Variants in SGCD observed in about 807,000 individuals in gnomAD.
SGCD encodes the protein sarcoglycan delta.
Under a neutral mutation model 36.6 loss-of-function variants are expected in SGCD, and 18 were observed. The observed-to-expected ratio is 0.49, with a 90% CI of 0.34 to 0.73. SGCD has a LOEUF of 0.73. Ranked by LOEUF, SGCD falls within the 30% of genes least tolerant of loss-of-function variation. SGCD has a pLI of 0.01. For synonymous variants in SGCD, 133 were observed against 130.6 expected, an observed-to-expected ratio of 1.02 and a Z score of -0.12; for missense variants, 387 against 346.7, an observed-to-expected ratio of 1.12 and a Z score of -0.92.
intron 3 of SGCD, among the ~76,000 whole-genome samples, chr5:156,429,669 C>G (rs1773845110): frequency 6.6e-6 from 1 of 150,792 alleles, no homozygotes; most frequent in Non-Finnish European, 1.5e-5. Flanking sequence ...GGTTTTGATT[C>G]AAGATTTAGA....
At chr5:156,524,947 A>AT (rs1446036589) in intron 4 of SGCD, among the ~76,000 whole-genome samples, 1 of 152,140 alleles carries the variant, frequency 6.6e-6, no homozygotes, top group Non-Finnish European at 1.5e-5. Flanking sequence ...CATTGTGTAT[A>AT]TATACCATAT....
At chr5:156,533,765 G>A (rs377077108) in intron 4 of SGCD, among the ~76,000 whole-genome samples, 3 of 152,098 alleles carry the variant, frequency 2.0e-5, no homozygotes, top group African/African-American at 7.2e-5. Flanking sequence ...GACCTCCATC[G>A]GAGAAAGGAT....
the SGCD span, among the ~76,000 whole-genome samples, chr5:155,823,687 A>G: frequency 2.6e-5 from 4 of 152,238 alleles, no homozygotes; most frequent in Non-Finnish European, 4.4e-5. Context: ...GAGGCAGAAC[A>G]GCTTCTGGTG....
At chr5:156,620,417 G>A (rs781651355) in intron 6 of SGCD, among the ~76,000 whole-genome samples, 3 of 152,180 alleles carry the variant, frequency 2.0e-5, no homozygotes, top group Non-Finnish European at 2.9e-5. Context: ...GGGTATCAAA[G>A]CACATACCCA....
intron 3 of SGCD, among the ~76,000 whole-genome samples, chr5:156,363,645 T>C (rs1247063054): frequency 1.3e-5 from 2 of 152,222 alleles, no homozygotes; most frequent in Non-Finnish European, 2.9e-5. Flanking sequence ...TCTCTTGCTG[T>C]ATAAGCTGTT....
chr5:156,600,784 C>A (rs1009451442), intron 6 of SGCD, among the ~76,000 whole-genome samples: 2 of 152,082 alleles, frequency 1.3e-5, no homozygotes, highest in African/African-American at 4.8e-5. Context: ...TATTTATATT[C>A]CCACTAACCA....
At chr5:156,158,663 C>A (rs1009915385) in intron 3 of SGCD, among the ~76,000 whole-genome samples, 1 of 151,550 alleles carries the variant, frequency 6.6e-6, no homozygotes, top group African/African-American at 2.4e-5. Context: ...GGGTACTCAG[C>A]ATGATAGAGA....
the SGCD span, among the ~76,000 whole-genome samples, chr5:155,850,428 G>A: frequency 6.6e-6 from 1 of 152,144 alleles, no homozygotes; most frequent in Admixed American, 6.6e-5. Flanking sequence ...CAGAGAGAGA[G>A]AGAGAGAGGA....
chr5:156,183,453 G>A (rs1763656750), intron 3 of SGCD, among the ~76,000 whole-genome samples: 1 of 152,078 alleles, frequency 6.6e-6, no homozygotes, highest in Non-Finnish European at 1.5e-5. Flanking sequence ...TGTCACCCAG[G>A]CTGGATTGCA....
At chr5:156,501,386 C>G (rs759701156) in intron 3 of SGCD, among the ~76,000 whole-genome samples, 1 of 152,118 alleles carries the variant, frequency 6.6e-6, no homozygotes, top group Non-Finnish European at 1.5e-5. Flanking sequence ...CAAAGGGAGT[C>G]AGGGGAAGGA....
intron 1 of SGCD, among the ~76,000 whole-genome samples, chr5:155,961,268 G>A (rs1581013493): frequency 6.6e-6 from 1 of 152,118 alleles, no homozygotes; most frequent in Non-Finnish European, 1.5e-5. Context: ...ACTTATGTTA[G>A]TTTTAGATTG....
chr5:156,497,055 G>A (rs1305876656), intron 3 of SGCD, among the ~76,000 whole-genome samples: 1 of 152,086 alleles, frequency 6.6e-6, no homozygotes, highest in Middle Eastern at 3.2e-3. Context: ...GCCTTAGAAA[G>A]CGTACCAGGA....
the SGCD span, among the ~76,000 whole-genome samples, chr5:155,807,229 C>T: frequency 2.0e-5 from 3 of 152,188 alleles, no homozygotes; most frequent in Non-Finnish European, 4.4e-5. Flanking sequence ...GAATTTTATT[C>T]TCTCTTGTGC....
intron 3 of SGCD, among the ~76,000 whole-genome samples, chr5:156,389,462 G>T (rs1286147642): frequency 6.6e-6 from 1 of 152,190 alleles, no homozygotes; most frequent in Non-Finnish European, 1.5e-5. Context: ...AAAGACATCT[G>T]GGAGTTATAG....
chr5:156,193,888 A>T (rs1011935293), intron 3 of SGCD, among the ~76,000 whole-genome samples: 3 of 152,196 alleles, frequency 2.0e-5, no homozygotes, highest in Non-Finnish European at 4.4e-5. Flanking sequence ...GAATGGCAAC[A>T]CTCATGTTGT....
At chr5:156,721,065 G>A (rs956022411) in intron 7 of SGCD, among the ~76,000 whole-genome samples, 1 of 152,220 alleles carries the variant, frequency 6.6e-6, no homozygotes, top group Non-Finnish European at 1.5e-5. Context: ...ATTGTAGCCT[G>A]AGCAACTGGA....
intron 1 of SGCD, among the ~76,000 whole-genome samples, chr5:156,098,655 C>G (rs991202260): frequency 2.0e-5 from 3 of 151,954 alleles, no homozygotes; most frequent in Non-Finnish European, 4.4e-5. Flanking sequence ...CACACACACA[C>G]ACACACACAT....
intron 1 of SGCD, among the ~76,000 whole-genome samples, chr5:156,030,365 A>T (rs981027186): frequency 1.3e-5 from 2 of 152,176 alleles, no homozygotes; most frequent in Non-Finnish European, 2.9e-5. Context: ...TAATGTTCTT[A>T]TAAGAGACCC....
intron 1 of SGCD, among the ~76,000 whole-genome samples, chr5:155,919,840 G>T (rs1366671324): frequency 1.3e-5 from 2 of 152,124 alleles, no homozygotes; most frequent in African/African-American, 4.8e-5. Flanking sequence ...CTTACTGTAT[G>T]CCAGTCTTAG....
Sources: allele counts gnomAD v4.1 joint callset (sites outside exome capture counted in the v4.1 genomes callset), GRCh38; gene constraint gnomAD v4.1.1; transcripts MANE v1.5; gene names NCBI Gene and HGNC (gene_info 2026-07-23, HGNC 2026-07-21).